CADM1: variants seen among roughly 807,000 people sequenced by gnomAD.
CADM1 encodes TSLC-1.
In CADM1, 15 loss-of-function variants were observed where a neutral mutation model predicts 53.1. The ratio of observed to expected loss-of-function variants is 0.28; its 90% confidence interval spans 0.19 to 0.44. The LOEUF is 0.44. CADM1 is among the 20% of genes least tolerant of loss of function. The probability of loss-of-function intolerance (pLI) is 1.00; values close to 1 mark genes in which losing one functional copy is unlikely to be tolerated. For missense variants in CADM1, 434 were observed against 611.3 expected (o/e 0.71, Z 3.06); for synonymous variants, 281 against 243.0 (o/e 1.16, Z -1.45).
intron 3 of CADM1, among the ~76,000 whole-genome samples, chr11:115,234,893 C>CAAAAAAAA (rs57197514): frequency 2.7e-5 from 2 of 75,386 alleles, no homozygotes; most frequent in African/African-American, 5.3e-5. Flanking sequence ...ACTCCGTCTC[C>CAAAAAAAA]AAAAAAAAAA....
Position 115,209,592 on chromosome 11 carries a change from T to A in CADM1, c.1060A>T (p.Ile354Phe). ...ACCATACCTGTGATGATGGTAAGGA[T>A]GGTGGTGGTGGTGGTGGTGGTGGTG... Reference protein sequence around the residue: ...TTTTTTTTTTILTIITDTTAT... With the variant: ...TTTTTTTTTTFLTIITDTTAT... The change falls in exon 8 of 12, where the codon ATC (isoleucine) becomes TTC (phenylalanine). Residue 354 changes from isoleucine to phenylalanine, a missense_variant. Coordinates refer to ENST00000331581, the MANE Select transcript of CADM1 (RefSeq NM_001301043.2). The A allele has an allele frequency of 1.1e-6, 1 of 900,056 alleles. No homozygotes were observed. The highest frequency in any genetic ancestry group is 1.5e-6 in the Non-Finnish European group (1 of 645,620). 55.8% of individuals were successfully genotyped at this position (900,056 alleles called of 1,614,324 possible).
intron 1 of CADM1, among the ~76,000 whole-genome samples, chr11:115,252,365 CTATTT>C (rs1223560773): frequency 2.0e-5 from 3 of 152,152 alleles, no homozygotes; most frequent in Admixed American, 6.5e-5. Flanking sequence ...CACTCTCTGT[CTATTT>C]TATTAGGACC....
intron 8 of CADM1, among the ~76,000 whole-genome samples, chr11:115,206,755 CTTCTTTTTT>C (rs1940703805): frequency 7.3e-4 from 4 of 5,444 alleles, no homozygotes; most frequent in Non-Finnish European, 1.2e-3. Context: ...TGACTGTGGA[CTTCTTTTTT>C]TTTTTTTTTT....
rs78969432 is a variant in CADM1, at chr11:115,191,849, G to A, written c.1112-908C>T. 6.5e-3 allele frequency among the ~76,000 whole-genome samples: 994 copies of A among 152,290 alleles called. 8 individuals carry two copies. The highest frequency in any genetic ancestry group is 0.02 in the African/African-American group (847 of 41,560). ...AAGTCCAGTGTGACTAACTGCTTAG[G>A]TCTTTTAAGTTGCACAGCAGTTTGC... On this transcript the variant is annotated intron_variant, in intron 9 of 11. Transcript: ENST00000331581.
At chr11:115,446,233 T>C (rs1168672450) in intron 1 of CADM1, among the ~76,000 whole-genome samples, 3 of 152,212 alleles carry the variant, frequency 2.0e-5, no homozygotes, top group South Asian at 2.1e-4. Context: ...GGGTCAGGCA[T>C]TGTTGTTCTT....
chr11:115,298,604 C>A (rs908464087), intron 1 of CADM1, among the ~76,000 whole-genome samples: 3 of 152,184 alleles, frequency 2.0e-5, no homozygotes, highest in Non-Finnish European at 4.4e-5. Flanking sequence ...TGACACAAAT[C>A]TGAAAGATAT....
rs71066426 is a variant in CADM1, at chr11:115,415,823, CAAAAAAAAAAAAA to C, written c.124+88435_124+88447del. On this transcript the variant is annotated intron_variant, in intron 1 of 11. Transcript: ENST00000331581. Reference sequence around the variant, plus strand: ...TCAGGCAACAGAGTGAGACTGTCTCCAAAAAAAAAAAAAAAAAAAAAAAAAAAAAGACTTTGAT... The same window carrying C: ...TCAGGCAACAGAGTGAGACTGTCTCCAAAAAAAAAAAAAAAAGACTTTGAT... 1.1e-3 allele frequency among the ~76,000 whole-genome samples: 49 copies of C among 43,702 alleles called. 1 individual carries two copies. The highest frequency in any genetic ancestry group is 5.2e-3 in the African/African-American group (42 of 8,060). 28.7% of individuals were successfully genotyped at this position (43,702 alleles called of 152,430 possible).
At chr11:115,269,934 G>A (rs116456616) in intron 1 of CADM1, among the ~76,000 whole-genome samples, 1 of 152,238 alleles carries the variant, frequency 6.6e-6, no homozygotes, top group African/African-American at 2.4e-5. Flanking sequence ...CACCAAAATA[G>A]GTCATTTGTC....
rs546289104 is a variant in CADM1, at chr11:115,230,760, C to T, written c.562+593G>A. Among the ~76,000 whole-genome samples, 3 of 152,312 alleles carry T rather than the reference C, an allele frequency of 2.0e-5. No homozygotes were observed. In the South Asian group the frequency reaches 6.2e-4, roughly 32 times the overall value. ...AAGAACAGACTGGTGAATTGGGCAA[C>T]TGAATCACAAATTTCACAAGAAAGG... is the stretch of plus-strand genomic sequence containing the variant. On this transcript the variant is annotated intron_variant, in intron 4 of 11. Coordinates refer to ENST00000331581, the MANE Select transcript of CADM1 (RefSeq NM_001301043.2).
chr11:115,484,500 T>C lies in CADM1; in HGVS notation c.124+19771A>G, dbSNP rs551673899. Among the ~76,000 whole-genome samples the C allele has an allele frequency of 1.4e-3, 220 of 152,214 alleles. 2 individuals are homozygous for C. Among genetic ancestry groups the C allele is most frequent in the African/African-American group, 5.2e-3 (216 of 41,520 alleles). On this transcript the variant is annotated intron_variant, in intron 1 of 11. Coordinates refer to ENST00000331581, the MANE Select transcript of CADM1 (RefSeq NM_001301043.2). ...GTGAAATACAAGGATAGTCGTGAGG[T>C]TTATTAAGTTTCTCTGTATCCAACA...
At chr11:115,460,113 C>T (rs1237611595) in intron 1 of CADM1, among the ~76,000 whole-genome samples, 2 of 151,806 alleles carry the variant, frequency 1.3e-5, no homozygotes, top group African/African-American at 2.4e-5. Flanking sequence ...GAGAAAGCCC[C>T]CCTACCTTCC....
At chr11:115,244,457 G>A (rs774365792) in intron 1 of CADM1, among the ~76,000 whole-genome samples, 3 of 152,188 alleles carry the variant, frequency 2.0e-5, no homozygotes, top group Non-Finnish European at 4.4e-5. Context: ...GAGACATGAG[G>A]AAGGGAACAA....
intron 10 of CADM1, among the ~76,000 whole-genome samples, chr11:115,183,534 C>T (rs1230294155): frequency 1.3e-5 from 2 of 152,184 alleles, no homozygotes; most frequent in African/African-American, 4.8e-5. Context: ...ACTGCAACTG[C>T]TGCCTGCCCA....
Position 115,190,904 on chromosome 11 carries a change from G to A in CADM1, c.1149C>T (p.Asp383=). 1 of 1,595,312 alleles carries A rather than the reference G, an allele frequency of 6.3e-7. No individual in the cohort carries two copies. The highest frequency in any genetic ancestry group is 8.5e-7 in the Non-Finnish European group (1 of 1,178,570). Residue 383 remains aspartate, a synonymous_variant, in exon 10 of 12, where the codon GAC becomes GAT. Coordinates refer to ENST00000331581, the MANE Select transcript of CADM1 (RefSeq NM_001301043.2). Reference sequence around the variant, plus strand: ...AGCCCTTACCTGAGAGGTCCTCACTGTCCAGTTCTTCTGCGGAATTGGGCA... The same window carrying A: ...AGCCCTTACCTGAGAGGTCCTCACTATCCAGTTCTTCTGCGGAATTGGGCA... The part of the protein sequence containing the change: ...TQLPNSAEEL[D]SEDLSDSRAG...
chr11:115,378,180 T>G (rs1468590296), intron 1 of CADM1, among the ~76,000 whole-genome samples: 1 of 152,142 alleles, frequency 6.6e-6, no homozygotes, highest in Admixed American at 6.5e-5. Context: ...GGGATCAATT[T>G]ATGGACTCTG....
chr11:115,278,892 T>G (rs965198512), intron 1 of CADM1, among the ~76,000 whole-genome samples: 1 of 151,852 alleles, frequency 6.6e-6, no homozygotes, highest in Non-Finnish European at 1.5e-5. Flanking sequence ...ATGGAGGGAA[T>G]AAAGGAAAAT....
At chr11:115,205,734 G>GACT (rs1940644007) in intron 8 of CADM1, among the ~76,000 whole-genome samples, 1 of 152,166 alleles carries the variant, frequency 6.6e-6, no homozygotes, top group Non-Finnish European at 1.5e-5. Flanking sequence ...TATATGGTCA[G>GACT]ACTATCAATA....
In CADM1 at chr11:115,240,256, A is replaced by G. The variant is rs971913622; in HGVS notation, c.271+18T>C. On this transcript the variant is annotated intron_variant, in intron 2 of 11. Coordinates refer to ENST00000331581, the MANE Select transcript of CADM1 (RefSeq NM_001301043.2). ...GGTAAAAAAGTTGCCATCTACAACT[A>G]TAGAGATGGAAACTTACGCCTGAAG... 1.2e-6 allele frequency: 2 copies of G among 1,612,376 alleles called. No homozygotes were observed. The highest frequency in any genetic ancestry group is 1.7e-6 in the Non-Finnish European group (2 of 1,179,078).
rs189155449 is a variant in CADM1, at chr11:115,327,196, C to T, written c.125-86776G>A. Among the ~76,000 whole-genome samples, 3 of 152,232 alleles carry T rather than the reference C, an allele frequency of 2.0e-5. No homozygotes were observed. The East Asian group carries it at 5.8e-4, about 29-fold the overall frequency. On this transcript the variant is annotated intron_variant, in intron 1 of 11. Coordinates refer to ENST00000331581, the MANE Select transcript of CADM1 (RefSeq NM_001301043.2). Reference sequence around the variant, plus strand: ...TCATGTCAGATTCTCTACTCCATGACATAAGCAGTGTTGTTACTTCCAGAG... The same window carrying T: ...TCATGTCAGATTCTCTACTCCATGATATAAGCAGTGTTGTTACTTCCAGAG...
Sources: allele counts gnomAD v4.1 joint callset (sites outside exome capture counted in the v4.1 genomes callset), GRCh38; gene constraint gnomAD v4.1.1; transcripts MANE v1.5; gene names NCBI Gene and HGNC (gene_info 2026-07-23, HGNC 2026-07-21).